The following CERT1 variants were observed in gnomAD, a reference collection of about 807,000 sequenced individuals.
The protein encoded by CERT1 is ceramide transporter 1.
A neutral mutation model predicts 87.9 loss-of-function variants in CERT1; 31 were observed. The ratio of observed to expected loss-of-function variants is 0.35; its 90% CI spans 0.27 to 0.48. The LOEUF (loss-of-function observed/expected upper bound fraction) is 0.48. Ranked by LOEUF, CERT1 falls within the 20% of genes least tolerant of loss-of-function variation. CERT1 has a pLI of 0.99. For missense variants in CERT1, 487 were observed against 758.0 expected (o/e 0.64, Z 4.20); for synonymous variants, 289 against 250.9 (o/e 1.15, Z -1.44).
At chr5:75,476,898 G>A (rs186117579) in intron 2 of CERT1, among the ~76,000 whole-genome samples, 74 of 152,128 alleles carry the variant, frequency 4.9e-4, no homozygotes, top group African/African-American at 1.6e-3. Flanking sequence ...AAGACACTTT[G>A]TACTCCGAGA....
chr5:75,461,196 G>A (rs906274182), intron 2 of CERT1, among the ~76,000 whole-genome samples: 4 of 152,120 alleles, frequency 2.6e-5, no homozygotes, highest in African/African-American at 7.2e-5. Flanking sequence ...TAACTGGGCC[G>A]CACAGCAGGC....
In CERT1 at chr5:75,421,786, A is replaced by G. The variant is rs1033921595; in HGVS notation, c.596-2362T>C. On this transcript the variant is annotated intron_variant, in intron 5 of 16. Transcript: ENST00000643780. ...TCAAATTTCCCTACTTTTTTGCATC[A>G]TATCAATGAAAAGTTAAAACAGTTT... Among the ~76,000 whole-genome samples the G allele has an allele frequency of 2.6e-5, 4 of 152,152 alleles. No homozygotes were observed. In the South Asian group the frequency reaches 6.2e-4, roughly 24 times the overall value.
chr5:75,425,336 A>C, intron 5 of CERT1, 25 bp downstream of exon 5: 1 of 1,599,998 alleles, frequency 6.3e-7, no homozygotes, highest in Non-Finnish European at 8.5e-7. Context: ...CTCCAAGTAA[A>C]AATAGTGGTA....
Position 75,511,223 on chromosome 5 carries a change from G to C in CERT1, c.-16C>G. The C allele has an allele frequency of 6.2e-7, 1 of 1,612,066 alleles. No homozygotes were observed. Among genetic ancestry groups the C allele is most frequent in the Admixed American group, 1.7e-5 (1 of 59,876 alleles). On this transcript the variant is annotated 5_prime_UTR_variant, in exon 1 of 17. Transcript: ENST00000643780. ...TATCCGACATGGAGGCTCGACAACC[G>C]AGCAGGAGACCGGCCCCCGCTCCCT...
intron 5 of CERT1, among the ~76,000 whole-genome samples, chr5:75,421,417 C>T (rs1440641241): frequency 1.3e-5 from 2 of 152,144 alleles, no homozygotes; most frequent in African/African-American, 4.8e-5. Flanking sequence ...ACAACTCTTA[C>T]AAATCATAAA....
chr5:75,463,979 C>G (rs1765347822), intron 2 of CERT1, among the ~76,000 whole-genome samples: 1 of 152,030 alleles, frequency 6.6e-6, no homozygotes, highest in Admixed American at 6.6e-5. Flanking sequence ...TTGATACTAC[C>G]TGGGAGGCCT....
At chr5:75,479,657 T>C (rs1162219720) in intron 2 of CERT1, among the ~76,000 whole-genome samples, 1 of 152,244 alleles carries the variant, frequency 6.6e-6, no homozygotes, top group Non-Finnish European at 1.5e-5. Context: ...CCATGGTGTC[T>C]ATGTACCACA....
chr5:75,478,325 T>A (rs1399797505), intron 2 of CERT1, among the ~76,000 whole-genome samples: 15 of 145,212 alleles, frequency 1.0e-4, no homozygotes, highest in East Asian at 1.0e-3. Flanking sequence ...AAAAAAAAAA[T>A]AAAAAAAAGA....
chr5:75,490,223 C>A (rs1348897341), intron 2 of CERT1, among the ~76,000 whole-genome samples: 1 of 152,142 alleles, frequency 6.6e-6, no homozygotes, highest in Non-Finnish European at 1.5e-5. Flanking sequence ...GGAGGCATAG[C>A]ATTAGCAGAA....
chr5:75,420,243 G>T (rs1330632500), intron 5 of CERT1, among the ~76,000 whole-genome samples: 1 of 152,064 alleles, frequency 6.6e-6, no homozygotes, highest in Non-Finnish European at 1.5e-5. Flanking sequence ...CTCCCAATGT[G>T]CTGGGATTAC....
At chr5:75,477,936 T>C (rs1766045001) in intron 2 of CERT1, among the ~76,000 whole-genome samples, 1 of 152,176 alleles carries the variant, frequency 6.6e-6, no homozygotes, top group Non-Finnish European at 1.5e-5. Context: ...TGGGTAAATA[T>C]GGTGGCAGAT....
chr5:75,467,650 G>GAAAAAAAAAAAAAAAAAAAAAAAA (rs58587061), intron 2 of CERT1, among the ~76,000 whole-genome samples: 1 of 132,986 alleles, frequency 7.5e-6, no homozygotes. Context: ...CCAAAAAAAA[G>GAAAAAAAAAAAAAAAAAAAAAAAA]AAAAAAAAAA....
intron 2 of CERT1, among the ~76,000 whole-genome samples, chr5:75,502,808 T>C (rs927158659): frequency 5.9e-5 from 9 of 152,100 alleles, no homozygotes; most frequent in African/African-American, 2.2e-4. Flanking sequence ...TCCATAAACA[T>C]TTGCTTTTAA....
At chr5:75,434,510 T>C (rs1373045225) in intron 3 of CERT1, among the ~76,000 whole-genome samples, 1 of 152,052 alleles carries the variant, frequency 6.6e-6, no homozygotes, top group Non-Finnish European at 1.5e-5. Flanking sequence ...TCAGAATGAG[T>C]TAGGGAGGAA....
At chr5:75,388,596 A>T (rs896613238) in intron 12 of CERT1, among the ~76,000 whole-genome samples, 2 of 98,806 alleles carry the variant, frequency 2.0e-5, no homozygotes, top group Admixed American at 1.3e-4. Flanking sequence ...TATAGCATGC[A>T]TGCATATATA....
chr5:75,423,384 GAA>G (rs11331996), intron 5 of CERT1, among the ~76,000 whole-genome samples: 5,061 of 147,418 alleles, frequency 0.034, 120 homozygotes, highest in African/African-American at 0.068. Flanking sequence ...TTTTAGAGGG[GAA>G]AAAAAAAAAA....
At chr5:75,387,024 C>G (rs553172779) in intron 12 of CERT1, among the ~76,000 whole-genome samples, 10 of 152,092 alleles carry the variant, frequency 6.6e-5, no homozygotes, top group Non-Finnish European at 1.3e-4. Flanking sequence ...CCTGCCACTA[C>G]GCCCAGCTAA....
intron 16 of CERT1, among the ~76,000 whole-genome samples, chr5:75,379,834 C>T (rs1761491515): frequency 6.6e-6 from 1 of 152,288 alleles, no homozygotes; most frequent in Non-Finnish European, 1.5e-5. Flanking sequence ...CCGCCCGCCT[C>T]AGCCTCCCAA....
intron 2 of CERT1, 102 bp from the exon 3 acceptor site, chr5:75,459,283 G>A (rs1765129135): frequency 1.5e-5 from 10 of 651,842 alleles, no homozygotes. Flanking sequence ...GTGCTGGTGG[G>A]AGACTTGTTA....
Sources: gnomAD v4.1 joint callset for allele counts (sites outside exome capture counted in the v4.1 genomes callset) on GRCh38, gnomAD v4.1.1 for gene constraint, MANE v1.5 for transcripts, NCBI Gene and HGNC (gene_info 2026-07-23, HGNC 2026-07-21) for gene names.